The following METAP1D variants were observed in gnomAD, a reference collection of about 807,000 sequenced individuals.
METAP1D encodes the protein methionyl aminopeptidase type 1D, mitochondrial.
METAP1D carries 31 observed loss-of-function variants against 40.5 expected under a neutral mutation model. The ratio of observed to expected loss-of-function variants is 0.77; its 90% CI spans 0.58 to 1.03. The LOEUF (loss-of-function observed/expected upper bound fraction) is 1.03, where lower values mean the gene tolerates loss of function less well. Among genes scored for constraint, METAP1D ranks in the 50% least tolerant of loss-of-function variants. The pLI is 0.00. For missense variants in METAP1D, 411 were observed against 420.7 expected, an observed-to-expected ratio of 0.98 and a Z score of 0.20; for synonymous variants, 151 against 146.4, an observed-to-expected ratio of 1.03 and a Z score of -0.22.
Position 172,081,810 on chromosome 2 carries a change from G to A in METAP1D, c.*1404G>A, listed in dbSNP as rs950023785. 6.6e-6 allele frequency: 1 copy of A among 152,238 alleles called. No individual in the cohort carries two copies. Among genetic ancestry groups the A allele is most frequent in the African/African-American group, 2.4e-5 (1 of 41,446 alleles). 9.4% of individuals were successfully genotyped at this position (152,238 alleles called of 1,614,324 possible). A position where few individuals can be genotyped will look rare whatever the true frequency, so the allele number is the denominator to read the frequency against. On this transcript the variant is annotated 3_prime_UTR_variant, in exon 10 of 10. Transcript: ENST00000315796. Reference sequence around the variant, plus strand: ...AAGGAAATGGCACCTGTAGTTGCCAGGACAGGTGGTGTCCTCGGCCAGGAC... The same window carrying A: ...AAGGAAATGGCACCTGTAGTTGCCAAGACAGGTGGTGTCCTCGGCCAGGAC...
intron 1 of METAP1D, among the ~76,000 whole-genome samples, chr2:172,020,573 G>T (rs1688983984): frequency 6.6e-6 from 1 of 152,156 alleles, no homozygotes; most frequent in South Asian, 2.1e-4. Context: ...AAACTATTGA[G>T]GGCTTACTAT....
At chr2:172,027,778 A>C (rs1689151544) in intron 1 of METAP1D, among the ~76,000 whole-genome samples, 2 of 152,214 alleles carry the variant, frequency 1.3e-5, no homozygotes, top group Non-Finnish European at 2.9e-5. Context: ...CTCACTTTCC[A>C]GGTAGCAGTG....
intron 1 of METAP1D, among the ~76,000 whole-genome samples, chr2:172,050,746 T>C (rs1689868054): frequency 6.6e-6 from 1 of 152,206 alleles, no homozygotes; most frequent in Non-Finnish European, 1.5e-5. Context: ...TTTAGTGTTG[T>C]GCTTCTACTC....
chr2:172,025,361 C>T (rs1024723610), intron 1 of METAP1D, among the ~76,000 whole-genome samples: 4 of 152,142 alleles, frequency 2.6e-5, no homozygotes, highest in Non-Finnish European at 5.9e-5. Flanking sequence ...CAAGATCTCA[C>T]TCTGTGGCCC....
chr2:172,079,788 T>A (rs758917244), intron 8 of METAP1D, among the ~76,000 whole-genome samples: 14 of 152,250 alleles, frequency 9.2e-5, no homozygotes, highest in South Asian at 2.1e-4. Flanking sequence ...AATATTTTTT[T>A]AAAAATTGGT....
At chr2:172,048,662 C>G (rs788164) in intron 1 of METAP1D, among the ~76,000 whole-genome samples, 39,744 of 151,966 alleles carry the variant, frequency 0.26, 5,518 homozygotes, top group East Asian at 0.54. Context: ...TTGACTATAC[C>G]TTATTAGGCA....
At chr2:172,011,409 A>C (rs1023614573) in intron 1 of METAP1D, among the ~76,000 whole-genome samples, 1 of 150,210 alleles carries the variant, frequency 6.7e-6, no homozygotes, top group African/African-American at 2.5e-5. Flanking sequence ...CTCAGCCTCC[A>C]GAGTAGCTGG....
At chr2:172,003,263 C>G (rs901959239) in intron 1 of METAP1D, among the ~76,000 whole-genome samples, 1 of 152,102 alleles carries the variant, frequency 6.6e-6, no homozygotes, top group African/African-American at 2.4e-5. Flanking sequence ...TTAGTGCTGG[C>G]AGGAAATCCC....
intron 1 of METAP1D, among the ~76,000 whole-genome samples, chr2:172,053,221 G>T (rs368795013): frequency 2.0e-5 from 3 of 152,354 alleles, no homozygotes; most frequent in Middle Eastern, 6.8e-3. Context: ...GAAGCACACA[G>T]CGCTGTAAGA....
chr2:172,012,098 G>T (rs1688740955), intron 1 of METAP1D, among the ~76,000 whole-genome samples: 1 of 152,098 alleles, frequency 6.6e-6, no homozygotes, highest in African/African-American at 2.4e-5. Context: ...TTCTGGACGT[G>T]GGGTCCCACA....
At chr2:172,059,343 C>A (rs1418211253) in intron 1 of METAP1D, among the ~76,000 whole-genome samples, 1 of 151,900 alleles carries the variant, frequency 6.6e-6, no homozygotes, top group African/African-American at 2.4e-5. Context: ...AGCCTTGCAT[C>A]TTTTTTCTAT....
At chr2:172,043,728 A>G (rs1056740286) in intron 1 of METAP1D, among the ~76,000 whole-genome samples, 3 of 134,800 alleles carry the variant, frequency 2.2e-5, no homozygotes, top group African/African-American at 7.5e-5. Flanking sequence ...AAAACATTAG[A>G]TCTCCAGTGA....
chr2:172,009,518 ACTT>A (rs1271228383), intron 1 of METAP1D, among the ~76,000 whole-genome samples: 1 of 150,760 alleles, frequency 6.6e-6, no homozygotes, highest in South Asian at 2.1e-4. Context: ...TTGTGTATCT[ACTT>A]CTTTAATTTT....
At chr2:172,066,145 T>C in intron 4 of METAP1D, 119 bp from the exon 5 acceptor site, 1 of 752,916 alleles carries the variant, frequency 1.3e-6, no homozygotes, top group Non-Finnish European at 2.2e-6. Context: ...TAGTCCTCCT[T>C]CACTCCAAAT....
In METAP1D at chr2:172,060,001, A is replaced by G. The variant is rs1022383119; in HGVS notation, c.41-1497A>G. ...GGGAGGCGGAGGTTGCAGTGAGCCA[A>G]GATCGCGCCACTGTACTCCAGCCTG... On this transcript the variant is annotated intron_variant, in intron 1 of 9. Transcript: ENST00000315796. Among the ~76,000 whole-genome samples, 97 of 152,226 alleles carry G rather than the reference A, an allele frequency of 6.4e-4. 1 individual carries two copies. Among genetic ancestry groups the G allele is most frequent in the African/African-American group, 2.2e-3 (91 of 41,450 alleles).
chr2:172,033,406 T>C (rs1301734662), intron 1 of METAP1D, among the ~76,000 whole-genome samples: 1 of 151,554 alleles, frequency 6.6e-6, no homozygotes. Flanking sequence ...CAGGCCAGAG[T>C]GCAGTGGTGC....
At chr2:172,063,125 A>G (rs1207830819) in intron 2 of METAP1D, among the ~76,000 whole-genome samples, 3 of 152,154 alleles carry the variant, frequency 2.0e-5, no homozygotes, top group Admixed American at 6.5e-5. Flanking sequence ...GAAATGTTCT[A>G]GGTAATTTTT....
intron 1 of METAP1D, among the ~76,000 whole-genome samples, chr2:172,032,267 A>T (rs1689258599): frequency 6.6e-6 from 1 of 152,214 alleles, no homozygotes; most frequent in East Asian, 1.9e-4. Flanking sequence ...AGTCTGAGAG[A>T]TTAATAGTTT....
At chr2:172,009,185 C>G (rs774000853) in intron 1 of METAP1D, among the ~76,000 whole-genome samples, 1 of 151,824 alleles carries the variant, frequency 6.6e-6, no homozygotes, top group Non-Finnish European at 1.5e-5. Context: ...GGACTAGGGG[C>G]GCCCACCACC....
Sources: gnomAD v4.1 joint callset for allele counts (sites outside exome capture counted in the v4.1 genomes callset) on GRCh38, gnomAD v4.1.1 for gene constraint, MANE v1.5 for transcripts, NCBI Gene and HGNC (gene_info 2026-07-23, HGNC 2026-07-21) for gene names.